Variants in RBFOX1 observed in about 807,000 individuals in gnomAD.
The protein encoded by RBFOX1 is RNA binding protein fox-1 homolog 1.
RBFOX1 carries 8 observed loss-of-function variants against 57.7 expected under a neutral mutation model. That is an observed-to-expected ratio of 0.14 (90% CI 0.08 to 0.25). RBFOX1 has a LOEUF of 0.25. Among genes scored for constraint, RBFOX1 ranks in the 10% least tolerant of loss-of-function variants. The pLI is 1.00. For synonymous variants in RBFOX1, 326 were observed against 222.4 expected (o/e 1.47, Z -4.15); for missense variants, 611 against 548.5 (o/e 1.11, Z -1.14).
intron 10 of RBFOX1, among the ~76,000 whole-genome samples, chr16:7,612,057 C>T (rs1293497869): frequency 1.3e-5 from 2 of 152,028 alleles, no homozygotes; most frequent in Non-Finnish European, 2.9e-5. Context: ...CGCGGTGGCT[C>T]ACGCCTGTAA....
At chr16:7,022,257 T>G (rs2153675654) in intron 3 of RBFOX1, among the ~76,000 whole-genome samples, 1 of 151,184 alleles carries the variant, frequency 6.6e-6, no homozygotes, top group East Asian at 2.0e-4. Context: ...TTCACCATGT[T>G]GGCCAGGTTC....
At chr16:6,777,477 T>C (rs764527784) in intron 3 of RBFOX1, among the ~76,000 whole-genome samples, 1 of 152,152 alleles carries the variant, frequency 6.6e-6, no homozygotes, top group Non-Finnish European at 1.5e-5. Flanking sequence ...ACTCAACTTA[T>C]TTTTTAATGA....
At chr16:6,390,898 T>A (rs1303833257) in intron 2 of RBFOX1, among the ~76,000 whole-genome samples, 1 of 152,040 alleles carries the variant, frequency 6.6e-6, no homozygotes, top group Non-Finnish European at 1.5e-5. Context: ...TGGAATGAAG[T>A]GGAGACGGGC....
chr16:6,483,051 C>G, intron 2 of RBFOX1: 1 of 823,166 alleles, frequency 1.2e-6, no homozygotes, highest in Non-Finnish European at 1.5e-6. Flanking sequence ...CGGCGAGATA[C>G]CGCAGCCAGC....
rs188782027 is a variant in RBFOX1 at position 5,997,318 on chromosome 16, G to A, written c.351+129983G>A. ...GTAAACAGCCCAGTGTGGCTGCATGGATTATTTAATTGTATTCTGTTGTCT... is the reference window on the plus strand; with the variant it reads ...GTAAACAGCCCAGTGTGGCTGCATGAATTATTTAATTGTATTCTGTTGTCT... On this transcript the variant is annotated intron_variant, in intron 4 of 19. Transcript: ENST00000641259. Among the ~76,000 whole-genome samples, 7 of 152,322 alleles carry A rather than the reference G, an allele frequency of 4.6e-5. No individual in the cohort carries two copies. In the East Asian group the frequency reaches 1.4e-3, roughly 29 times the overall value.
intron 2 of RBFOX1, among the ~76,000 whole-genome samples, chr16:6,504,706 C>A (rs748215808): frequency 1.3e-5 from 2 of 152,138 alleles, no homozygotes; most frequent in South Asian, 4.1e-4. Context: ...TGCATACTTG[C>A]AAGCTTTATC....
Position 7,598,003 on chromosome 16 carries a change from C to A in RBFOX1, c.622+572C>A, listed in dbSNP as rs1169536421. Among the ~76,000 whole-genome samples, 4 of 152,162 alleles carry A rather than the reference C, an allele frequency of 2.6e-5. No individual in the cohort carries two copies. The East Asian group carries it at 7.7e-4, about 29-fold the overall frequency. On this transcript the variant is annotated intron_variant, in intron 9 of 15. Transcript: ENST00000550418. ...TGTTGCTTTGTATTACAGACCCCAT[C>A]AGGACAATGCAATTTCTGTTTTTAT...
At chr16:6,763,272 C>T (rs1015219022) in intron 3 of RBFOX1, among the ~76,000 whole-genome samples, 1 of 152,142 alleles carries the variant, frequency 6.6e-6, no homozygotes, top group Admixed American at 6.5e-5. Context: ...CAATTTCCTC[C>T]TGTTAGTGAG....
chr16:6,161,266 G>C (rs988377527), intron 1 of RBFOX1, among the ~76,000 whole-genome samples: 1 of 151,958 alleles, frequency 6.6e-6, no homozygotes, highest in Non-Finnish European at 1.5e-5. Context: ...GTGCACGCCT[G>C]TAATCCCAGC....
At chr16:7,601,910 C>G (rs1283344853) in intron 9 of RBFOX1, among the ~76,000 whole-genome samples, 1 of 152,128 alleles carries the variant, frequency 6.6e-6, no homozygotes, top group African/African-American at 2.4e-5. Context: ...AAACAAAACA[C>G]CTTTGTACCC....
chr16:5,786,905 G>A (rs1022491154), intron 3 of RBFOX1, among the ~76,000 whole-genome samples: 68 of 152,170 alleles, frequency 4.5e-4, no homozygotes, highest in South Asian at 2.1e-4. Flanking sequence ...GGAGGTCAAG[G>A]TGGGTGGGTC....
At chr16:6,235,432 A>G (rs2097498347) in intron 1 of RBFOX1, among the ~76,000 whole-genome samples, 1 of 152,106 alleles carries the variant, frequency 6.6e-6, no homozygotes, top group Non-Finnish European at 1.5e-5. Flanking sequence ...AGGTCATCAT[A>G]TGAAAAAGAC....
chr16:5,686,772 A>G (rs1049497488), intron 3 of RBFOX1, among the ~76,000 whole-genome samples: 8 of 152,160 alleles, frequency 5.3e-5, no homozygotes, highest in African/African-American at 1.9e-4. Flanking sequence ...TATTTTTTCC[A>G]GTAGAAATTC....
intron 3 of RBFOX1, among the ~76,000 whole-genome samples, chr16:5,862,841 A>C (rs1203747664): frequency 2.0e-5 from 3 of 152,200 alleles, no homozygotes; most frequent in Non-Finnish European, 4.4e-5. Flanking sequence ...TGGAAGGCAC[A>C]CACCACATAC....
chr16:7,702,621 G>A (rs72778521), intron 14 of RBFOX1, among the ~76,000 whole-genome samples: 23,141 of 152,122 alleles, frequency 0.15, 2,250 homozygotes, highest in South Asian at 0.27. Flanking sequence ...GAAGCCATGC[G>A]CCCTCCCCTT....
chr16:5,630,621 G>A (rs2048477696), intron 3 of RBFOX1, among the ~76,000 whole-genome samples: 1 of 152,140 alleles, frequency 6.6e-6, no homozygotes, highest in Admixed American at 6.5e-5. Context: ...AAGGACTGAA[G>A]TTTCCATTGA....
chr16:7,145,097 C>T (rs542258834), intron 4 of RBFOX1, among the ~76,000 whole-genome samples: 1 of 152,224 alleles, frequency 6.6e-6, no homozygotes, highest in African/African-American at 2.4e-5. Context: ...ACAGTGATCC[C>T]TTTCCAGACA....
intron 1 of RBFOX1, among the ~76,000 whole-genome samples, chr16:5,416,571 T>C (rs567964384): frequency 1.2e-4 from 18 of 152,332 alleles, no homozygotes; most frequent in Middle Eastern, 3.4e-3. Flanking sequence ...GTTGACACCT[T>C]GTAAAAAATT....
At chr16:6,649,255 A>C (rs776147254) in intron 2 of RBFOX1, among the ~76,000 whole-genome samples, 1 of 152,178 alleles carries the variant, frequency 6.6e-6, no homozygotes, top group African/African-American at 2.4e-5. Flanking sequence ...CATCCATGTC[A>C]TCACAGTGAC....
Sources: gnomAD v4.1 joint callset for allele counts (sites outside exome capture counted in the v4.1 genomes callset) on GRCh38, gnomAD v4.1.1 for gene constraint, MANE v1.5 for transcripts, NCBI Gene and HGNC (gene_info 2026-07-23, HGNC 2026-07-21) for gene names.